Variants in IGSF10 observed in about 807,000 individuals in gnomAD.
IGSF10 encodes immunoglobulin superfamily member 10, also known as calvaria mechanical force protein 608.
In IGSF10, 126 loss-of-function variants were observed where a neutral mutation model predicts 128.2. That is an observed-to-expected ratio of 0.98 (90% CI 0.85 to 1.14). IGSF10 has a LOEUF of 1.14. Ranked by LOEUF, IGSF10 falls within the 50% of genes most tolerant of loss-of-function variation. The pLI, the probability that IGSF10 is intolerant of heterozygous loss-of-function variation, is 0.00. For missense variants in IGSF10, 3,295 were observed against 3,149.8 expected (o/e 1.05, Z -1.10); for synonymous variants, 1,185 against 1,146.2 (o/e 1.03, Z -0.68).
chr3:151,480,711 G>C, the IGSF10 span, among the ~76,000 whole-genome samples: 2 of 151,758 alleles, frequency 1.3e-5, no homozygotes, highest in Non-Finnish European at 2.9e-5. Flanking sequence ...TATACCCTGA[G>C]CTTGGCCCAG....
the IGSF10 span, among the ~76,000 whole-genome samples, chr3:151,592,830 T>C: frequency 1.3e-5 from 2 of 152,220 alleles, no homozygotes; most frequent in African/African-American, 4.8e-5. Flanking sequence ...TACTGTGTAA[T>C]GCAGTGCTTT....
chr3:151,596,993 C>T, the IGSF10 span, among the ~76,000 whole-genome samples: 1 of 151,670 alleles, frequency 6.6e-6, no homozygotes, highest in Non-Finnish European at 1.5e-5. Context: ...TGTGTAACTT[C>T]TCTGAGTTTC....
the IGSF10 span, among the ~76,000 whole-genome samples, chr3:151,600,810 T>C: frequency 6.6e-6 from 1 of 152,108 alleles, no homozygotes; most frequent in Admixed American, 6.5e-5. Context: ...GATGAAAAAA[T>C]AAGGCATTTT....
the IGSF10 span, among the ~76,000 whole-genome samples, chr3:151,590,950 T>C: frequency 6.6e-6 from 1 of 152,114 alleles, no homozygotes; most frequent in Non-Finnish European, 1.5e-5. Context: ...ACAGTGATGG[T>C]GTAGGGAAAA....
At chr3:151,587,423 G>A in the IGSF10 span, among the ~76,000 whole-genome samples, 2 of 152,148 alleles carry the variant, frequency 1.3e-5, no homozygotes, top group Non-Finnish European at 2.9e-5. Flanking sequence ...TAGAACTAAG[G>A]TGATGTTTTG....
In IGSF10 at chr3:151,445,714, C is replaced by G; in HGVS notation, c.4267G>C (p.Glu1423Gln). ...GTCTGAGTACTTGCTTGGGCTAGTT[C>G]TTCAATCACATCTGTCAGATTAAGA... ...RTLNLTDVIE[E>Q]LAQASTQTLK... is the part of the protein sequence containing the mutation. The change falls in exon 6 of 8, where the codon GAA (glutamate) becomes CAA (glutamine). Residue 1423 changes from glutamate (E) to glutamine (Q), a missense_variant. Glu to Gln is a conservative substitution (Grantham distance 29, BLOSUM62 2). Transcript: ENST00000282466. 4 of 1,614,220 alleles carry G rather than the reference C, an allele frequency of 2.5e-6. No individual in the cohort carries two copies. The highest frequency in any genetic ancestry group is 3.4e-6 in the Non-Finnish European group (4 of 1,180,046).
chr3:151,573,212 T>C, the IGSF10 span, among the ~76,000 whole-genome samples: 17 of 152,332 alleles, frequency 1.1e-4, no homozygotes, highest in Non-Finnish European at 1.8e-4. Flanking sequence ...TCTGTTGATT[T>C]GGGGTGGAGA....
the IGSF10 span, among the ~76,000 whole-genome samples, chr3:151,573,880 C>A: frequency 6.6e-6 from 1 of 152,154 alleles, no homozygotes; most frequent in Non-Finnish European, 1.5e-5. Flanking sequence ...TTGTTCCTTT[C>A]CATGTTTAGT....
the IGSF10 span, among the ~76,000 whole-genome samples, chr3:151,611,525 A>G: frequency 6.6e-6 from 1 of 152,184 alleles, no homozygotes; most frequent in African/African-American, 2.4e-5. Flanking sequence ...AAAACACGAG[A>G]GCCAGAACAA....
At chr3:151,606,697 G>A in the IGSF10 span, among the ~76,000 whole-genome samples, 1 of 152,326 alleles carries the variant, frequency 6.6e-6, no homozygotes. Context: ...TGAGAAAGTA[G>A]CATGGAGATA....
At position 151,443,762 on chromosome 3, in the gene IGSF10, A is replaced by G. The variant is rs1721010438; in HGVS notation, c.5185T>C (p.Phe1729Leu). 1.2e-6 allele frequency: 2 copies of G among 1,614,160 alleles called. No individual in the cohort carries two copies. Among genetic ancestry groups the G allele is most frequent in the Non-Finnish European group, 1.7e-6 (2 of 1,180,026 alleles). Residue 1729 changes from phenylalanine (F) to leucine (L), a missense_variant, in exon 7 of 8, where the codon TTT becomes CTT. Coordinates refer to ENST00000282466, the MANE Select transcript of IGSF10 (RefSeq NM_178822.5). ...GQYLCSASNL[F>L]GTDHLHVTLS... The stretch of plus-strand genomic sequence containing the variant: ...GTGACATGAAGGTGGTCTGTGCCAA[A>G]CAGATTGGATGCGGAACACAAGTAC...
At chr3:151,597,330 A>C in the IGSF10 span, among the ~76,000 whole-genome samples, 2 of 152,206 alleles carry the variant, frequency 1.3e-5, no homozygotes, top group Non-Finnish European at 2.9e-5. Flanking sequence ...GCTACGAAGG[A>C]CAAATATAGA....
At chr3:151,478,355 A>G in the IGSF10 span, among the ~76,000 whole-genome samples, 1 of 152,244 alleles carries the variant, frequency 6.6e-6, no homozygotes, top group Non-Finnish European at 1.5e-5. Context: ...ACAAAAGGGA[A>G]CAGTTTAAGG....
chr3:151,436,884 T>G lies in IGSF10; in HGVS notation c.7677A>C (p.Glu2559Asp). The G allele has an allele frequency of 6.2e-7, 1 of 1,614,174 alleles. No homozygotes were observed. The highest frequency in any genetic ancestry group is 8.5e-7 in the Non-Finnish European group (1 of 1,180,018). ...AGTGGTCAGGCATCTCCCATGTGAT[T>G]TCTGGCTTGGGAACTCCCAAGGCCA... ...HCVALGVPKP[E>D]ITWEMPDHSL... Residue 2559 changes from glutamate (E) to aspartate (D), a missense_variant, in exon 8 of 8, where the codon GAA becomes GAC. By Grantham distance (45) the Glu-to-Asp change is conservative. Coordinates refer to ENST00000282466, the MANE Select transcript of IGSF10 (RefSeq NM_178822.5).
At chr3:151,471,038 A>G in the IGSF10 span, among the ~76,000 whole-genome samples, 1 of 152,114 alleles carries the variant, frequency 6.6e-6, no homozygotes. Context: ...CCCCACCGAA[A>G]TCGCACCTTG....
upstream of IGSF10, among the ~76,000 whole-genome samples, chr3:151,463,489 G>A (rs1722139281): frequency 8.9e-6 from 1 of 112,176 alleles, no homozygotes; most frequent in African/African-American, 3.4e-5. Flanking sequence ...TTTTAAAATT[G>A]TAAAACCAAT....
chr3:151,436,198 G>A (rs1720171960), downstream of IGSF10: 1 of 153,888 alleles, frequency 6.5e-6, no homozygotes, highest in Admixed American at 6.4e-5. Flanking sequence ...ACAGTTCAGT[G>A]CTTATTTTCT....
At chr3:151,607,767 C>T in the IGSF10 span, among the ~76,000 whole-genome samples, 1 of 151,166 alleles carries the variant, frequency 6.6e-6, no homozygotes, top group Non-Finnish European at 1.5e-5. Flanking sequence ...AAAAATTAGC[C>T]GGGTGTGGTG....
Position 151,445,952 on chromosome 3 carries a change from T to C in IGSF10, c.4029A>G (p.Thr1343=). Residue 1343 remains threonine (T), a synonymous_variant, in exon 6 of 8, where the codon ACA becomes ACG. Coordinates refer to ENST00000282466, the MANE Select transcript of IGSF10 (RefSeq NM_178822.5). ...ETQTERSRAQ[T]IQREQEPQKK... ...TTTGAGGCTCCTGTTCTCTTTGTATTGTTTGTGCTCTAGATCTCTCTGTTT... is the reference window on the plus strand; with the variant it reads ...TTTGAGGCTCCTGTTCTCTTTGTATCGTTTGTGCTCTAGATCTCTCTGTTT... The C allele has an allele frequency of 6.2e-7, 1 of 1,614,178 alleles. No homozygotes were observed. The highest frequency in any genetic ancestry group is 8.5e-7 in the Non-Finnish European group (1 of 1,180,042).
Sources: gnomAD v4.1 joint callset for allele counts (sites outside exome capture counted in the v4.1 genomes callset) on GRCh38, gnomAD v4.1.1 for gene constraint, MANE v1.5 for transcripts, NCBI Gene and HGNC (gene_info 2026-07-23, HGNC 2026-07-21) for gene names.